The following FBH1 variants were observed in gnomAD, a reference collection of about 807,000 sequenced individuals.
The protein encoded by FBH1 is DNA 3'-5' helicase 1.
A neutral mutation model predicts 115.5 loss-of-function variants in FBH1; 43 were observed. The ratio of observed to expected loss-of-function variants is 0.37; its 90% CI spans 0.29 to 0.48. FBH1 has a LOEUF of 0.48. FBH1 is among the 20% of genes least tolerant of loss of function. The pLI, the probability that FBH1 is intolerant of heterozygous loss-of-function variation, is 0.99. For synonymous variants in FBH1, 524 were observed against 507.8 expected (o/e 1.03, Z -0.43); for missense variants, 1,001 against 1,337.3 (o/e 0.75, Z 3.92).
At chr10:5,905,533 CATAA>C (rs1010973847) in intron 2 of FBH1, among the ~76,000 whole-genome samples, 5 of 152,046 alleles carry the variant, frequency 3.3e-5, no homozygotes, top group African/African-American at 1.2e-4. Flanking sequence ...TAAATAAATA[CATAA>C]ATAAAAAAGA....
Position 5,916,163 on chromosome 10 carries a change from G to T in FBH1, c.1566-71G>T. Reference sequence around the variant, plus strand: ...AGCTACCTCCTGGTGACATTAGAGAGAATGGAGGGGACGTTCAATAGCACC... The same window carrying T: ...AGCTACCTCCTGGTGACATTAGAGATAATGGAGGGGACGTTCAATAGCACC... On this transcript the variant is annotated intron_variant, in intron 9 of 20. Transcript: ENST00000362091. The T allele has an allele frequency of 5.2e-6, 7 of 1,341,070 alleles. No individual in the cohort carries two copies. The South Asian group carries it at 8.7e-5, about 17-fold the overall frequency. 83.1% of individuals were successfully genotyped at this position (1,341,070 alleles called of 1,614,324 possible). A position where few individuals can be genotyped will look rare whatever the true frequency, so the allele number is the denominator to read the frequency against.
chr10:5,898,881 T>C (rs1843166833), intron 1 of FBH1, among the ~76,000 whole-genome samples: 1 of 152,226 alleles, frequency 6.6e-6, no homozygotes, highest in East Asian at 1.9e-4. Flanking sequence ...TGGGGCATGC[T>C]TACTGTCTTT....
chr10:5,927,416 T>TC lies in FBH1; in HGVS notation c.2723-15dup. 1 of 1,572,936 alleles carries TC rather than the reference T, an allele frequency of 6.4e-7. No homozygotes were observed. Among genetic ancestry groups the TC allele is most frequent in the Admixed American group, 1.8e-5 (1 of 55,610 alleles). ...TCTAAGGCTTTTTAGTTGATTTTTTTCCCCTTTACTTTGTTTAGAGTCATT... is the reference window on the plus strand; with the variant it reads ...TCTAAGGCTTTTTAGTTGATTTTTTTCCCCCTTTACTTTGTTTAGAGTCATT... On this transcript the variant is annotated intron_variant, in intron 18 of 20. Transcript: ENST00000362091.
chr10:5,898,456 G>C (rs990807974), intron 1 of FBH1, among the ~76,000 whole-genome samples: 2 of 149,858 alleles, frequency 1.3e-5, no homozygotes, highest in African/African-American at 4.9e-5. Context: ...CATTGTCCAG[G>C]CTGGAGTGCA....
intron 13 of FBH1, among the ~76,000 whole-genome samples, chr10:5,919,037 G>C (rs1413572481): frequency 2.6e-5 from 4 of 152,192 alleles, no homozygotes; most frequent in Non-Finnish European, 5.9e-5. Flanking sequence ...TATCTCAGCA[G>C]GCAATGCAGA....
chr10:5,920,336 GACC>G (rs1832239125), intron 13 of FBH1, among the ~76,000 whole-genome samples: 1 of 152,204 alleles, frequency 6.6e-6, no homozygotes, highest in Admixed American at 6.5e-5. Context: ...TGTTGACCTT[GACC>G]ACCTGGCTGA....
chr10:5,901,660 G>A (rs922624737), intron 1 of FBH1, among the ~76,000 whole-genome samples: 1 of 151,400 alleles, frequency 6.6e-6, no homozygotes, highest in East Asian at 1.9e-4. Flanking sequence ...CGCCTCCCGG[G>A]TTCAAGTGAT....
rs1843286076 is a variant in FBH1 at position 5,900,525 on chromosome 10, T to C, written c.2-2495T>C. On this transcript the variant is annotated intron_variant, in intron 1 of 20. Transcript: ENST00000362091. The surrounding 1 kb of genome is among the most constrained non-coding windows in gnomAD (Gnocchi z 4.2). ...TGTGATTGCTGAGGCCTGGCGCTCA[T>C]GGGGTTGCACCCAGCTTCTGAGTTC... Among the ~76,000 whole-genome samples the C allele has an allele frequency of 1.3e-5, 2 of 152,264 alleles. No individual in the cohort carries two copies. Among genetic ancestry groups the C allele is most frequent in the South Asian group, 4.1e-4 (2 of 4,836 alleles).
At chr10:5,899,829 T>A (rs545658653) in intron 1 of FBH1, among the ~76,000 whole-genome samples, 3 of 152,380 alleles carry the variant, frequency 2.0e-5, no homozygotes, top group Admixed American at 1.3e-4. Flanking sequence ...AAATTTCATC[T>A]TATTTTTTAA....
chr10:5,895,075 A>G lies in FBH1; in HGVS notation c.1+4729A>G. 2 of 1,613,488 alleles carry G rather than the reference A, an allele frequency of 1.2e-6. No individual in the cohort carries two copies. The highest frequency in any genetic ancestry group is 1.1e-5 in the South Asian group (1 of 91,020). On this transcript the variant is annotated intron_variant, in intron 1 of 20. Transcript: ENST00000362091. This position sits in a 1 kb window ranked among gnomAD's most constrained non-coding sequence, Gnocchi z 5.0. ...TCACAGGCTGCCATTGGACCTGTCA[A>G]GTGCCTGAGTCATGTGATAATGGGC...
Position 5,918,355 on chromosome 10 carries a change from A to T in FBH1, c.1977A>T (p.Ile659=). The stretch of plus-strand genomic sequence containing the variant: ...CGTTGGTTACAGCTATCATGAACAT[A>T]GTTCTGTCTCAGCCATGTGGGAAAA... The part of the protein sequence containing the change: ...AQDCTPAIMN[I]VLSQPCGKIF... The change falls in exon 13 of 21, where the codon ATA becomes ATT. Residue 659 remains isoleucine, a synonymous_variant. Coordinates refer to ENST00000362091, the MANE Select transcript of FBH1 (RefSeq NM_178150.3). The surrounding 1 kb of genome is among the most constrained non-coding windows in gnomAD (Gnocchi z 4.0). 1 of 1,612,950 alleles carries T rather than the reference A, an allele frequency of 6.2e-7. No homozygotes were observed. Among genetic ancestry groups the T allele is most frequent in the Non-Finnish European group, 8.5e-7 (1 of 1,179,750 alleles).
chr10:5,921,232 G>T lies in FBH1; in HGVS notation c.2101-26G>T. ...CGGACACACCACAGGGCGGGCTGCTGACTCCCTCTGTCTTGTTGTTTTCAG... is the reference window on the plus strand; with the variant it reads ...CGGACACACCACAGGGCGGGCTGCTTACTCCCTCTGTCTTGTTGTTTTCAG... On this transcript the variant is annotated intron_variant, in intron 13 of 20. Coordinates refer to ENST00000362091, the MANE Select transcript of FBH1 (RefSeq NM_178150.3). The surrounding 1 kb of genome is among the most constrained non-coding windows in gnomAD (Gnocchi z 6.4). The T allele has an allele frequency of 6.2e-7, 1 of 1,609,846 alleles. No homozygotes were observed. The highest frequency in any genetic ancestry group is 1.1e-5 in the South Asian group (1 of 90,850).
At chr10:5,926,189 C>T (rs1455151366) in intron 18 of FBH1, among the ~76,000 whole-genome samples, 4 of 152,120 alleles carry the variant, frequency 2.6e-5, no homozygotes, top group South Asian at 2.1e-4. Context: ...GGCACGATCT[C>T]GGCTCACTGC....
chr10:5,928,723 G>A (rs1018568206), intron 19 of FBH1: 3 of 152,280 alleles, frequency 2.0e-5, no homozygotes, highest in South Asian at 4.1e-4. Flanking sequence ...AACAGCTGGA[G>A]TATAAACCAT....
rs1157783599 is a variant in FBH1 at position 5,935,215 on chromosome 10, A to G, written c.2830-1241A>G. ...GGAGAAACTTCTGGAGTGGACAGGG[A>G]GTCAGGTACAGGATGTTCATTGCTG... On this transcript the variant is annotated intron_variant, in intron 19 of 20. Transcript: ENST00000362091. The surrounding 1 kb of genome is among the most constrained non-coding windows in gnomAD (Gnocchi z 5.2). The G allele has an allele frequency of 3.3e-5, 5 of 152,350 alleles. No homozygotes were observed. Among genetic ancestry groups the G allele is most frequent in the African/African-American group, 1.2e-4 (5 of 41,582 alleles). 9.4% of individuals were successfully genotyped at this position (152,350 alleles called of 1,614,324 possible).
chr10:5,925,419 G>C lies in FBH1; in HGVS notation c.2649G>C (p.Val883=), dbSNP rs957976118. The C allele has an allele frequency of 1.2e-6, 2 of 1,614,082 alleles. No individual in the cohort carries two copies. Among genetic ancestry groups the C allele is most frequent in the African/African-American group, 2.7e-5 (2 of 74,926 alleles). Residue 883 remains valine (V), a synonymous_variant, in exon 18 of 21, where the codon GTG becomes GTC. Coordinates refer to ENST00000362091, the MANE Select transcript of FBH1 (RefSeq NM_178150.3). This position sits in a 1 kb window ranked among gnomAD's most constrained non-coding sequence, Gnocchi z 4.6. ...HKAKGLEFDT[V]HVLDDFVKVP... is the part of the protein sequence containing the mutation. ...CCAAAGGCCTGGAGTTTGACACTGT[G>C]CATGTTTTGGATGATTTTGTGAAAG...
intron 2 of FBH1, among the ~76,000 whole-genome samples, chr10:5,905,829 T>A (rs1192364481): frequency 1.3e-5 from 2 of 152,246 alleles, no homozygotes; most frequent in Non-Finnish European, 2.9e-5. Flanking sequence ...TCTGTCTCTT[T>A]GCAAATGTGT....
At chr10:5,890,692 C>G (rs565358882) in intron 1 of FBH1, among the ~76,000 whole-genome samples, 2 of 152,180 alleles carry the variant, frequency 1.3e-5, no homozygotes, top group Non-Finnish European at 2.9e-5. Flanking sequence ...GGAGGCCAGG[C>G]TTTCCCGTCT....
At position 5,923,751 on chromosome 10, in the gene FBH1, C is replaced by A; in HGVS notation, c.2398+55C>A. 1 of 1,515,012 alleles carries A rather than the reference C, an allele frequency of 6.6e-7. No homozygotes were observed. Among genetic ancestry groups the A allele is most frequent in the Non-Finnish European group, 9.1e-7 (1 of 1,095,312 alleles). 93.8% of individuals were successfully genotyped at this position (1,515,012 alleles called of 1,614,324 possible). On this transcript the variant is annotated intron_variant, in intron 16 of 20. Transcript: ENST00000362091. This position sits in a 1 kb window ranked among gnomAD's most constrained non-coding sequence, Gnocchi z 5.7. Reference sequence around the variant, plus strand: ...GAAGGACGCACCCAAGTGACAGGGACGAGAAAGAAGCAGGCCCAGTCTGAG... The same window carrying A: ...GAAGGACGCACCCAAGTGACAGGGAAGAGAAAGAAGCAGGCCCAGTCTGAG...
Sources: allele counts gnomAD v4.1 joint callset (sites outside exome capture counted in the v4.1 genomes callset), GRCh38; gene constraint gnomAD v4.1.1; non-coding constraint Gnocchi (gnomAD v3.1); transcripts MANE v1.5; gene names NCBI Gene and HGNC (gene_info 2026-07-23, HGNC 2026-07-21).